CSMD1: variants seen among roughly 807,000 people sequenced by gnomAD.
CSMD1 encodes CUB and Sushi multiple domains 1.
Under a neutral mutation model 417.5 loss-of-function variants are expected in CSMD1, and 213 were observed. The ratio of observed to expected loss-of-function variants is 0.51; its 90% CI spans 0.46 to 0.57. The LOEUF (loss-of-function observed/expected upper bound fraction) is 0.57. CSMD1 is among the 20% of genes least tolerant of loss of function. The pLI, the probability that CSMD1 is intolerant of heterozygous loss-of-function variation, is 0.00. For synonymous variants in CSMD1, 2,862 were observed against 1,736.8 expected (o/e 1.65, Z -16.11); for missense variants, 6,923 against 4,529.7 (o/e 1.53, Z -15.17).
chr8:3,286,076 G>A (rs186213951), intron 25 of CSMD1, among the ~76,000 whole-genome samples: 6 of 152,144 alleles, frequency 3.9e-5, no homozygotes, highest in South Asian at 2.1e-4. Flanking sequence ...AACATGAGGC[G>A]TTTGGTTTTT....
At chr8:3,775,579 G>A (rs1203828152) in intron 5 of CSMD1, among the ~76,000 whole-genome samples, 9 of 152,258 alleles carry the variant, frequency 5.9e-5, no homozygotes, top group Non-Finnish European at 1.3e-4. Context: ...TCTCCAGTGT[G>A]GACTCATGTG....
intron 1 of CSMD1, among the ~76,000 whole-genome samples, chr8:4,916,012 T>C (rs762328384): frequency 6.6e-6 from 1 of 152,192 alleles, no homozygotes; most frequent in Non-Finnish European, 1.5e-5. Flanking sequence ...GAGCTACACC[T>C]GTTGCCCCTC....
At chr8:3,684,639 C>A (rs377411286) in intron 7 of CSMD1, among the ~76,000 whole-genome samples, 3 of 148,944 alleles carry the variant, frequency 2.0e-5, no homozygotes, top group Admixed American at 6.8e-5. Flanking sequence ...GCTCTCTCGC[C>A]CAGGCTGGAG....
At chr8:3,589,695 C>T (rs375701503) in intron 8 of CSMD1, among the ~76,000 whole-genome samples, 1 of 152,074 alleles carries the variant, frequency 6.6e-6, no homozygotes, top group Non-Finnish European at 1.5e-5. Context: ...AGCATGGTGA[C>T]TGTAGTTAAT....
intron 33 of CSMD1, among the ~76,000 whole-genome samples, chr8:3,194,154 T>G (rs1280208351): frequency 1.3e-5 from 2 of 152,210 alleles, no homozygotes; most frequent in African/African-American, 2.4e-5. Flanking sequence ...TATTCTTCTT[T>G]GCAAAGAATA....
intron 30 of CSMD1, among the ~76,000 whole-genome samples, chr8:3,212,369 C>G (rs1585671031): frequency 6.6e-6 from 1 of 152,190 alleles, no homozygotes; most frequent in South Asian, 2.1e-4. Flanking sequence ...AAATAACGTT[C>G]TTCCTCTGTC....
At position 3,264,942 on chromosome 8, in the gene CSMD1, C is replaced by A. The variant is rs1020794331; in HGVS notation, c.4153+19202G>T. 3.3e-5 allele frequency among the ~76,000 whole-genome samples: 5 copies of A among 152,130 alleles called. No individual in the cohort carries two copies. The East Asian group carries it at 9.7e-4, about 29-fold the overall frequency. ...CTAACATCGGTATAGCTTATATATT[C>A]TTTAATAACGATGAATGCTGCTAAG... On this transcript the variant is annotated intron_variant, in intron 26 of 69. Transcript: ENST00000635120.
At chr8:3,974,445 A>T (rs1813288418) in intron 5 of CSMD1, among the ~76,000 whole-genome samples, 1 of 152,078 alleles carries the variant, frequency 6.6e-6, no homozygotes, top group Admixed American at 6.5e-5. Flanking sequence ...GGTATGTGCA[A>T]ATAATAGTAT....
At chr8:3,792,411 T>C (rs992465052) in intron 5 of CSMD1, among the ~76,000 whole-genome samples, 2 of 152,188 alleles carry the variant, frequency 1.3e-5, no homozygotes, top group Admixed American at 6.6e-5. Context: ...CCATGACATA[T>C]ATATTTGGTT....
At chr8:4,029,687 C>G (rs1797242991) in intron 4 of CSMD1, among the ~76,000 whole-genome samples, 2 of 152,140 alleles carry the variant, frequency 1.3e-5, no homozygotes, top group South Asian at 2.1e-4. Flanking sequence ...CCTCACATTT[C>G]AAAACCAACC....
At chr8:3,553,180 G>A (rs1388803403) in intron 10 of CSMD1, among the ~76,000 whole-genome samples, 3 of 151,956 alleles carry the variant, frequency 2.0e-5, no homozygotes, top group Non-Finnish European at 4.4e-5. Flanking sequence ...GTTTCAGGCT[G>A]TGCTAAATGC....
At chr8:3,414,963 T>C (rs1270872694) in intron 12 of CSMD1, among the ~76,000 whole-genome samples, 1 of 152,210 alleles carries the variant, frequency 6.6e-6, no homozygotes, top group African/African-American at 2.4e-5. Flanking sequence ...ATATGTACTT[T>C]TTGTGCTTTA....
rs1006283339 is a variant in CSMD1 at position 3,758,603 on chromosome 8, A to T, written c.819-4561T>A. Among the ~76,000 whole-genome samples the T allele has an allele frequency of 2.0e-5, 3 of 152,332 alleles. No homozygotes were observed. In the East Asian group the frequency reaches 5.8e-4, roughly 29 times the overall value. On this transcript the variant is annotated intron_variant, in intron 5 of 69. Coordinates refer to ENST00000635120, the MANE Select transcript of CSMD1 (RefSeq NM_033225.6). ...TACAAACTACGTAATTTAAAGGAAG[A>T]TGATTACTGTACAAATTAGGTGAAA...
intron 23 of CSMD1, among the ~76,000 whole-genome samples, chr8:3,311,929 C>A (rs1326016775): frequency 5.3e-5 from 8 of 152,050 alleles, no homozygotes; most frequent in Non-Finnish European, 1.2e-4. Context: ...CCAGAATATG[C>A]CTCTATGTTC....
At position 3,179,224 on chromosome 8, in the gene CSMD1, C is replaced by T. The variant is rs35351431; in HGVS notation, c.5725+1886G>A. On this transcript the variant is annotated intron_variant, in intron 37 of 69. Transcript: ENST00000635120. Reference sequence around the variant, plus strand: ...CCTCCCAAAGTGCTGGGATTACAGGCGTGAGCCACCGCGCCCAGCCTATAA... The same window carrying T: ...CCTCCCAAAGTGCTGGGATTACAGGTGTGAGCCACCGCGCCCAGCCTATAA... 3.7e-3 allele frequency among the ~76,000 whole-genome samples: 566 copies of T among 152,098 alleles called. 2 individuals carry two copies. Among genetic ancestry groups the T allele is most frequent in the Non-Finnish European group, 6.4e-3 (435 of 68,016 alleles).
chr8:3,144,067 G>C (rs7004684), intron 40 of CSMD1, among the ~76,000 whole-genome samples: 8,756 of 152,194 alleles, frequency 0.058, 868 homozygotes, highest in African/African-American at 0.2. Flanking sequence ...CCTGCTTGGT[G>C]GGCATCACGT....
intron 11 of CSMD1, among the ~76,000 whole-genome samples, chr8:3,483,622 A>T (rs979658889): frequency 1.3e-5 from 2 of 152,162 alleles, no homozygotes; most frequent in African/African-American, 4.8e-5. Flanking sequence ...TATAGCCATT[A>T]TAATCTTATA....
At chr8:3,629,510 C>T (rs536768105) in intron 7 of CSMD1, among the ~76,000 whole-genome samples, 1 of 151,872 alleles carries the variant, frequency 6.6e-6, no homozygotes, top group African/African-American at 2.4e-5. Flanking sequence ...TCAATAAAGA[C>T]AACGTTACAG....
chr8:4,590,627 G>T (rs916225119), intron 2 of CSMD1, among the ~76,000 whole-genome samples: 1 of 151,984 alleles, frequency 6.6e-6, no homozygotes, highest in African/African-American at 2.4e-5. Flanking sequence ...AATATATGTT[G>T]TTCAAAGTTG....
Sources: allele counts gnomAD v4.1 joint callset (sites outside exome capture counted in the v4.1 genomes callset), GRCh38; gene constraint gnomAD v4.1.1; transcripts MANE v1.5; gene names NCBI Gene and HGNC (gene_info 2026-07-23, HGNC 2026-07-21).